The following MGAT4C variants were observed in gnomAD, a reference collection of about 807,000 sequenced individuals.
MGAT4C encodes the protein alpha-1,3-mannosyl-glycoprotein 4-beta-N-acetylglucosaminyltransferase C.
Under a neutral mutation model 40.1 loss-of-function variants are expected in MGAT4C, and 19 were observed. The ratio of observed to expected loss-of-function variants is 0.47; its 90% CI spans 0.33 to 0.70. The LOEUF is 0.70. Among genes scored for constraint, MGAT4C ranks in the 30% least tolerant of loss-of-function variants. The pLI, the probability that MGAT4C is intolerant of heterozygous loss-of-function variation, is 0.02. For synonymous variants in MGAT4C, 181 were observed against 187.1 expected, an observed-to-expected ratio of 0.97 and a Z score of 0.27; for missense variants, 491 against 563.2, an observed-to-expected ratio of 0.87 and a Z score of 1.30.
intron 1 of MGAT4C, among the ~76,000 whole-genome samples, chr12:86,179,102 G>T (rs1887815715): frequency 6.6e-6 from 1 of 152,188 alleles, no homozygotes; most frequent in Non-Finnish European, 1.5e-5. Flanking sequence ...CTAGGAGGAG[G>T]TAATTAAATC....
chr12:86,643,873 T>C (rs1963460969), intron 2 of MGAT4C, among the ~76,000 whole-genome samples: 1 of 151,732 alleles, frequency 6.6e-6, no homozygotes, highest in Admixed American at 6.6e-5. Context: ...TGTAAAACTT[T>C]TATGAATATA....
chr12:86,499,992 G>T (rs1049309516), intron 2 of MGAT4C, among the ~76,000 whole-genome samples: 1 of 151,738 alleles, frequency 6.6e-6, no homozygotes, highest in African/African-American at 2.4e-5. Context: ...AGACAAAGTA[G>T]AAAGCAGCAG....
chr12:86,436,978 G>A (rs565233493), intron 2 of MGAT4C, among the ~76,000 whole-genome samples: 12 of 151,772 alleles, frequency 7.9e-5, no homozygotes, highest in African/African-American at 2.7e-4. Flanking sequence ...GAGTGAATAA[G>A]CTAAATATCT....
At chr12:86,129,036 A>ACATT (rs1880765644) in intron 1 of MGAT4C, among the ~76,000 whole-genome samples, 1 of 152,070 alleles carries the variant, frequency 6.6e-6, no homozygotes, top group African/African-American at 2.4e-5. Flanking sequence ...CTATGTGCCT[A>ACATT]CATTCACCTC....
At chr12:86,239,156 A>G (rs1467980818) in intron 1 of MGAT4C, among the ~76,000 whole-genome samples, 1 of 152,102 alleles carries the variant, frequency 6.6e-6, no homozygotes, top group Non-Finnish European at 1.5e-5. Context: ...TATTCCAAAA[A>G]GGTTGTCAGA....
At chr12:86,765,795 A>T (rs7965119) in intron 1 of MGAT4C, among the ~76,000 whole-genome samples, 5,218 of 152,214 alleles carry the variant, frequency 0.034, 139 homozygotes, top group Non-Finnish European at 0.048. Flanking sequence ...GAAATAAAAT[A>T]CTTTACAGAC....
In MGAT4C at chr12:86,751,446, AAAG is replaced by A. The variant is rs201316074; in HGVS notation, c.-261-24208_-261-24206del. On this transcript the variant is annotated intron_variant, in intron 1 of 7. Transcript: ENST00000548651. ...GAAGATGTAAAATTAGAACAAAATC[AAAG>A]AAGATTAAGAACAAGTAAAAACTAT... Among the ~76,000 whole-genome samples, 2,498 of 151,850 alleles carry A rather than the reference AAAG, an allele frequency of 0.016. 133 individuals carry two copies. In the East Asian group the frequency reaches 0.18, roughly 11 times the overall value.
chr12:86,809,915 C>T (rs1327513954), intron 1 of MGAT4C, among the ~76,000 whole-genome samples: 1 of 151,984 alleles, frequency 6.6e-6, no homozygotes, highest in Non-Finnish European at 1.5e-5. Context: ...TTTCTAGCAC[C>T]TTTACTAAAA....
At chr12:86,813,066 C>T (rs1045213459) in intron 1 of MGAT4C, among the ~76,000 whole-genome samples, 29 of 152,012 alleles carry the variant, frequency 1.9e-4, no homozygotes, top group South Asian at 2.1e-4. Context: ...ACTGCTGATG[C>T]CACATTCTCA....
chr12:86,627,290 C>G (rs1263464127), intron 2 of MGAT4C, among the ~76,000 whole-genome samples: 6 of 152,210 alleles, frequency 3.9e-5, no homozygotes, highest in African/African-American at 1.4e-4. Flanking sequence ...CCTCTGGGGG[C>G]AGGGCATAGC....
At chr12:86,513,935 G>GATTT (rs1161770441) in intron 2 of MGAT4C, among the ~76,000 whole-genome samples, 7 of 151,874 alleles carry the variant, frequency 4.6e-5, no homozygotes, top group East Asian at 3.9e-4. Flanking sequence ...GTTACGAAAG[G>GATTT]GGGCATAAAG....
chr12:86,436,866 G>C (rs898681512), intron 2 of MGAT4C, among the ~76,000 whole-genome samples: 10 of 151,660 alleles, frequency 6.6e-5, no homozygotes, highest in African/African-American at 2.4e-4. Context: ...AGTTCAAAAA[G>C]ACAATTATAT....
At chr12:86,728,560 G>A (rs1318013854) in intron 1 of MGAT4C, among the ~76,000 whole-genome samples, 2 of 152,056 alleles carry the variant, frequency 1.3e-5, no homozygotes, top group African/African-American at 4.8e-5. Flanking sequence ...GCATAGTGGC[G>A]AGCACCTGTA....
At chr12:86,474,515 TATAATA>T (rs56065913) in intron 2 of MGAT4C, among the ~76,000 whole-genome samples, 13 of 151,154 alleles carry the variant, frequency 8.6e-5, no homozygotes, top group Non-Finnish European at 1.9e-4. Context: ...AAACTTAGAG[TATAATA>T]ATAATAATAA....
At chr12:86,766,820 C>T (rs557370205) in intron 1 of MGAT4C, among the ~76,000 whole-genome samples, 30 of 151,792 alleles carry the variant, frequency 2.0e-4, no homozygotes, top group East Asian at 1.5e-3. Flanking sequence ...TTGAAACCAA[C>T]GAGAACAAAG....
intron 1 of MGAT4C, among the ~76,000 whole-genome samples, chr12:86,734,761 T>C (rs577995432): frequency 6.6e-6 from 1 of 152,170 alleles, no homozygotes; most frequent in Admixed American, 6.6e-5. Flanking sequence ...AATAAATGAT[T>C]GTTGTTGAAG....
At chr12:86,509,859 G>C (rs1451071571) in intron 2 of MGAT4C, among the ~76,000 whole-genome samples, 2 of 152,148 alleles carry the variant, frequency 1.3e-5, no homozygotes, top group African/African-American at 4.8e-5. Flanking sequence ...TTAGCTCTCT[G>C]TTTGTCTGCT....
intron 4 of MGAT4C, among the ~76,000 whole-genome samples, chr12:86,268,157 G>C (rs556293299): frequency 2.0e-5 from 3 of 152,092 alleles, no homozygotes; most frequent in Non-Finnish European, 4.4e-5. Flanking sequence ...TTATGGAGTT[G>C]TACAGCTACT....
intron 1 of MGAT4C, among the ~76,000 whole-genome samples, chr12:86,822,880 A>C (rs1952730676): frequency 6.6e-6 from 1 of 151,252 alleles, no homozygotes; most frequent in Admixed American, 6.6e-5. Context: ...CAGTGCACAT[A>C]GAATTTTTTT....
Sources: gnomAD v4.1 joint callset for allele counts (sites outside exome capture counted in the v4.1 genomes callset) on GRCh38, gnomAD v4.1.1 for gene constraint, MANE v1.5 for transcripts, NCBI Gene and HGNC (gene_info 2026-07-23, HGNC 2026-07-21) for gene names.